Variants in MUSK observed in about 807,000 individuals in gnomAD.
MUSK encodes the protein muscle, skeletal receptor tyrosine-protein kinase.
MUSK carries 55 observed loss-of-function variants against 88.7 expected under a neutral mutation model. The observed-to-expected ratio is 0.62, with a 90% CI of 0.50 to 0.78. The LOEUF (loss-of-function observed/expected upper bound fraction) is 0.78. MUSK is among the 30% of genes least tolerant of loss of function. MUSK has a pLI of 0.00. For synonymous variants in MUSK, 387 were observed against 391.9 expected, an observed-to-expected ratio of 0.99 and a Z score of 0.15; for missense variants, 1,015 against 1,074.3, an observed-to-expected ratio of 0.94 and a Z score of 0.77.
intron 1 of MUSK, among the ~76,000 whole-genome samples, chr9:110,677,857 CTG>C (rs1306257987): frequency 1.3e-5 from 2 of 152,138 alleles, no homozygotes; most frequent in Non-Finnish European, 2.9e-5. Context: ...GCCTTTTTGA[CTG>C]TGATAGGTAT....
intron 14 of MUSK, 161 bp downstream of exon 14, chr9:110,787,999 G>A: frequency 1.4e-6 from 1 of 731,392 alleles, no homozygotes; most frequent in South Asian, 1.6e-5. Flanking sequence ...CAACCCTATA[G>A]GACATTCATG....
At chr9:110,742,230 G>A (rs2077110258) in intron 6 of MUSK, among the ~76,000 whole-genome samples, 1 of 152,252 alleles carries the variant, frequency 6.6e-6, no homozygotes, top group Admixed American at 6.5e-5. Flanking sequence ...GCCAAGGTGG[G>A]AGGATTATGA....
intron 5 of MUSK, among the ~76,000 whole-genome samples, chr9:110,712,074 T>C (rs1332498616): frequency 4.6e-5 from 7 of 151,964 alleles, no homozygotes; most frequent in Admixed American, 2.6e-4. Context: ...GGTCTGTCCT[T>C]GGGATTCTCT....
In MUSK at chr9:110,725,509, TTGAAG is replaced by T. The variant is rs958451741; in HGVS notation, c.629-8732_629-8728del. On this transcript the variant is annotated intron_variant, in intron 5 of 14. Transcript: ENST00000374448. ...TATGGATTACTATTTACCTTGGATG[TTGAAG>T]TGAAGTGAATAAATTATATCTCAGA... Among the ~76,000 whole-genome samples, 30 of 152,164 alleles carry T rather than the reference TTGAAG, an allele frequency of 2.0e-4. 1 individual carries two copies. Among genetic ancestry groups the T allele is most frequent in the African/African-American group, 6.3e-4 (26 of 41,570 alleles).
At chr9:110,759,127 A>C (rs1312657196) in intron 7 of MUSK, among the ~76,000 whole-genome samples, 3 of 152,192 alleles carry the variant, frequency 2.0e-5, no homozygotes, top group Admixed American at 2.0e-4. Context: ...CTGGTACAAA[A>C]ACAGACATAT....
chr9:110,703,113 A>G (rs2076553126), intron 5 of MUSK, among the ~76,000 whole-genome samples: 1 of 152,194 alleles, frequency 6.6e-6, no homozygotes, highest in African/African-American at 2.4e-5. Context: ...ACAGAAAACA[A>G]CCTACCTTGA....
chr9:110,800,050 G>T (rs2078067176), intron 14 of MUSK, among the ~76,000 whole-genome samples: 1 of 152,120 alleles, frequency 6.6e-6, no homozygotes, highest in African/African-American at 2.4e-5. Flanking sequence ...AAGTGCCCAG[G>T]ACAACAGCGC....
chr9:110,739,597 T>C (rs2077072187), intron 6 of MUSK, among the ~76,000 whole-genome samples: 1 of 152,184 alleles, frequency 6.6e-6, no homozygotes, highest in Admixed American at 6.6e-5. Context: ...TTACACAGGA[T>C]ATTCCAAGGG....
chr9:110,668,918 T>A lies in MUSK; in HGVS notation c.14T>A (p.Val5Asp). The A allele has an allele frequency of 6.2e-7, 1 of 1,613,726 alleles. No individual in the cohort carries two copies. The highest frequency in any genetic ancestry group is 8.5e-7 in the Non-Finnish European group (1 of 1,179,644). MREL[V>D]NIPLVHILTL... Reference sequence around the variant, plus strand: ...CCTGGATTAATCATGAGAGAGCTCGTCAACATTCCACTGGTACATATTCTT... The same window carrying A: ...CCTGGATTAATCATGAGAGAGCTCGACAACATTCCACTGGTACATATTCTT... Residue 5 changes from valine to aspartate, a missense_variant, in exon 1 of 15, where the codon GTC becomes GAC. Val to Asp is a radical substitution (Grantham distance 152). Coordinates refer to ENST00000374448, the MANE Select transcript of MUSK (RefSeq NM_005592.4).
chr9:110,692,105 C>G (rs1189781579), intron 3 of MUSK, among the ~76,000 whole-genome samples: 1 of 151,708 alleles, frequency 6.6e-6, no homozygotes, highest in African/African-American at 2.4e-5. Flanking sequence ...AGAATTATTG[C>G]TACTCAGTTT....
chr9:110,778,324 C>T (rs1251940678), intron 11 of MUSK, among the ~76,000 whole-genome samples: 1 of 152,046 alleles, frequency 6.6e-6, no homozygotes, highest in Admixed American at 6.5e-5. Flanking sequence ...TCCTCTCTTC[C>T]GTGAGACTTC....
chr9:110,678,548 G>A (rs902993043), intron 1 of MUSK, among the ~76,000 whole-genome samples: 1 of 151,900 alleles, frequency 6.6e-6, no homozygotes, highest in African/African-American at 2.4e-5. Context: ...AGTGTTCTTT[G>A]CTAATCTAAT....
intron 5 of MUSK, chr9:110,706,196 G>T: frequency 2.3e-6 from 1 of 429,570 alleles, no homozygotes; most frequent in Non-Finnish European, 4.8e-6. Flanking sequence ...CAACCATATT[G>T]GCTCATAAAG....
At chr9:110,672,049 A>T (rs1336069716) in intron 1 of MUSK, among the ~76,000 whole-genome samples, 2 of 152,234 alleles carry the variant, frequency 1.3e-5, no homozygotes, top group African/African-American at 4.8e-5. Context: ...CACAGCTGTC[A>T]TTGAAATCCA....
At chr9:110,791,367 C>T (rs1259959833) in intron 14 of MUSK, among the ~76,000 whole-genome samples, 1 of 111,442 alleles carries the variant, frequency 9.0e-6, no homozygotes, top group Non-Finnish European at 1.9e-5. Context: ...CCTGGAAAAT[C>T]GGGTCACTCC....
chr9:110,691,780 GT>G (rs1414375437), intron 3 of MUSK, among the ~76,000 whole-genome samples: 2 of 151,974 alleles, frequency 1.3e-5, no homozygotes, highest in Non-Finnish European at 2.9e-5. Flanking sequence ...CTTATCTTTT[GT>G]TATTTTGCTG....
intron 5 of MUSK, among the ~76,000 whole-genome samples, chr9:110,708,653 G>C (rs191530546): frequency 1.3e-5 from 2 of 152,076 alleles, no homozygotes; most frequent in African/African-American, 2.4e-5. Context: ...ATTATGGTAT[G>C]GTTTCATCTA....
chr9:110,705,586 G>A (rs1458801043), intron 5 of MUSK, among the ~76,000 whole-genome samples: 1 of 152,168 alleles, frequency 6.6e-6, no homozygotes, highest in Non-Finnish European at 1.5e-5. Flanking sequence ...CAAAAGTTTT[G>A]TTAGGGTTCT....
intron 1 of MUSK, among the ~76,000 whole-genome samples, chr9:110,671,028 G>A (rs1272526673): frequency 6.6e-6 from 1 of 152,084 alleles, no homozygotes; most frequent in Admixed American, 6.6e-5. Context: ...CTGCAGTGCA[G>A]TGGTGTGATC....
Sources: allele counts gnomAD v4.1 joint callset (sites outside exome capture counted in the v4.1 genomes callset), GRCh38; gene constraint gnomAD v4.1.1; transcripts MANE v1.5; gene names NCBI Gene and HGNC (gene_info 2026-07-23, HGNC 2026-07-21).